DGKB: variants seen among roughly 807,000 people sequenced by gnomAD.
DGKB encodes diacylglycerol kinase beta.
DGKB carries 67 observed loss-of-function variants against 114.3 expected under a neutral mutation model. The observed-to-expected ratio is 0.59, with a 90% CI of 0.48 to 0.72. DGKB has a LOEUF of 0.72. DGKB is among the 30% of genes least tolerant of loss of function. DGKB has a pLI of 0.00. For missense variants in DGKB, 907 were observed against 975.2 expected (o/e 0.93, Z 0.93); for synonymous variants, 398 against 323.1 (o/e 1.23, Z -2.49).
chr7:14,760,148 C>T (rs373496112), intron 2 of DGKB, among the ~76,000 whole-genome samples: 7 of 152,044 alleles, frequency 4.6e-5, no homozygotes, highest in Admixed American at 6.6e-5. Context: ...TGTGTGTGTA[C>T]GCACATTTGC....
intron 23 of DGKB, chr7:14,209,393 A>G (rs1174865122): frequency 2.1e-6 from 1 of 467,656 alleles, no homozygotes; most frequent in South Asian, 1.6e-5. Context: ...AACTATAAAA[A>G]CAAGATCAAA....
chr7:14,658,811 T>C (rs1252123110), intron 13 of DGKB, among the ~76,000 whole-genome samples: 1 of 151,994 alleles, frequency 6.6e-6, no homozygotes, highest in Admixed American at 6.6e-5. Context: ...AGAATATTTT[T>C]TAAATATACA....
intron 21 of DGKB, among the ~76,000 whole-genome samples, chr7:14,450,511 G>A (rs753713764): frequency 7.2e-5 from 11 of 152,076 alleles, no homozygotes; most frequent in Non-Finnish European, 1.5e-4. Flanking sequence ...GAGGAGGTGG[G>A]TGGCAAAGCC....
chr7:14,539,546 C>T (rs979086693), intron 20 of DGKB, among the ~76,000 whole-genome samples: 10 of 152,114 alleles, frequency 6.6e-5, no homozygotes, highest in African/African-American at 2.2e-4. Flanking sequence ...ATTATATTTC[C>T]TAACCCTGTT....
chr7:14,618,344 A>G (rs1268396188), intron 15 of DGKB, among the ~76,000 whole-genome samples: 1 of 151,688 alleles, frequency 6.6e-6, no homozygotes, highest in Non-Finnish European at 1.5e-5. Flanking sequence ...TAGATATTTA[A>G]TCATAAAGGT....
At chr7:14,735,270 G>C (rs1245178533) in intron 5 of DGKB, among the ~76,000 whole-genome samples, 1 of 152,108 alleles carries the variant, frequency 6.6e-6, no homozygotes, top group Non-Finnish European at 1.5e-5. Flanking sequence ...CAAGGGCTAG[G>C]TTTGCTAGGC....
chr7:14,315,735 G>A (rs940752234), intron 23 of DGKB, among the ~76,000 whole-genome samples: 1 of 150,972 alleles, frequency 6.6e-6, no homozygotes, highest in South Asian at 2.1e-4. Flanking sequence ...GGGACAGAAA[G>A]TCAACAAGGA....
chr7:14,731,581 C>T (rs535324678), intron 5 of DGKB, among the ~76,000 whole-genome samples: 2 of 152,118 alleles, frequency 1.3e-5, no homozygotes, highest in South Asian at 2.1e-4. Context: ...CAGATATCTG[C>T]ATATTTATTA....
intron 20 of DGKB, among the ~76,000 whole-genome samples, chr7:14,512,068 A>C (rs557455812): frequency 2.0e-5 from 1 of 50,494 alleles, no homozygotes; most frequent in African/African-American, 4.8e-5. Flanking sequence ...AAAGTGACAG[A>C]AACATAAAGT....
At chr7:14,541,813 T>C (rs902921306) in intron 20 of DGKB, among the ~76,000 whole-genome samples, 8 of 152,230 alleles carry the variant, frequency 5.3e-5, no homozygotes, top group Admixed American at 3.3e-4. Flanking sequence ...TCAGACAATG[T>C]TGTAATGTAA....
At chr7:14,271,178 A>G (rs917894382) in intron 23 of DGKB, among the ~76,000 whole-genome samples, 1 of 152,284 alleles carries the variant, frequency 6.6e-6, no homozygotes, top group South Asian at 2.1e-4. Context: ...TTTTCAATAA[A>G]ATGTGGCCAA....
intron 20 of DGKB, among the ~76,000 whole-genome samples, chr7:14,550,343 G>A (rs1303847082): frequency 1.3e-5 from 2 of 152,064 alleles, no homozygotes; most frequent in African/African-American, 4.8e-5. Context: ...AATTACATTT[G>A]CAATGAAATT....
chr7:14,544,998 A>T (rs532780672), intron 20 of DGKB, among the ~76,000 whole-genome samples: 145 of 149,806 alleles, frequency 9.7e-4, no homozygotes, highest in African/African-American at 2.5e-3. Flanking sequence ...TTTTTTTTTT[A>T]AAAAACAGAT....
In DGKB at chr7:14,455,231, T is replaced by A. The variant is rs575101889; in HGVS notation, c.1835+22930A>T. ...CTTCAATATGAATTTTATTACTGGTTATCTGCTAGAGAGCTTGGAACATTC... is the reference window on the plus strand; with the variant it reads ...CTTCAATATGAATTTTATTACTGGTAATCTGCTAGAGAGCTTGGAACATTC... On this transcript the variant is annotated intron_variant, in intron 21 of 25. Coordinates refer to ENST00000402815, the MANE Select transcript of DGKB (RefSeq NM_001350709.2). 2.6e-5 allele frequency among the ~76,000 whole-genome samples: 4 copies of A among 152,158 alleles called. 1 individual carries two copies. In the South Asian group the frequency reaches 8.3e-4, roughly 32 times the overall value.
At chr7:14,310,108 T>C (rs1407691517) in intron 23 of DGKB, among the ~76,000 whole-genome samples, 2 of 152,106 alleles carry the variant, frequency 1.3e-5, no homozygotes, top group Non-Finnish European at 2.9e-5. Flanking sequence ...AAGGACTCAG[T>C]GTATTGAGCA....
chr7:14,493,691 A>G (rs1371291571), intron 20 of DGKB, among the ~76,000 whole-genome samples: 3 of 152,064 alleles, frequency 2.0e-5, no homozygotes, highest in Non-Finnish European at 4.4e-5. Context: ...CCAAGATTTC[A>G]TCATGCTACT....
chr7:14,398,764 G>A (rs1244403319), intron 21 of DGKB, among the ~76,000 whole-genome samples: 2 of 148,562 alleles, frequency 1.3e-5, no homozygotes, highest in African/African-American at 5.0e-5. Context: ...AGTAATATGA[G>A]CTCAGGATGC....
intron 13 of DGKB, among the ~76,000 whole-genome samples, chr7:14,659,354 C>T (rs1200414840): frequency 6.6e-6 from 1 of 152,028 alleles, no homozygotes; most frequent in Non-Finnish European, 1.5e-5. Flanking sequence ...TTGATTCTTC[C>T]TACCCATGAG....
chr7:14,452,421 T>G (rs1421077705), intron 21 of DGKB, among the ~76,000 whole-genome samples: 1 of 152,016 alleles, frequency 6.6e-6, no homozygotes. Flanking sequence ...ATACCTGAGA[T>G]CCTAGAATTG....
Sources: allele counts gnomAD v4.1 joint callset (sites outside exome capture counted in the v4.1 genomes callset), GRCh38; gene constraint gnomAD v4.1.1; transcripts MANE v1.5; gene names NCBI Gene and HGNC (gene_info 2026-07-23, HGNC 2026-07-21).